AKAP12: variants seen among roughly 807,000 people sequenced by gnomAD.
AKAP12 encodes the protein A-kinase anchor protein 12.
AKAP12 carries 32 observed loss-of-function variants against 79.9 expected under a neutral mutation model. That is an observed-to-expected ratio of 0.40 (90% CI 0.30 to 0.54). AKAP12 has a LOEUF of 0.54. Ranked by LOEUF, AKAP12 falls within the 20% of genes least tolerant of loss-of-function variation. AKAP12 has a pLI of 0.48. For missense variants in AKAP12, 2,074 were observed against 2,177.0 expected (o/e 0.95, Z 0.94); for synonymous variants, 808 against 857.0 (o/e 0.94, Z 1.00).
intron 2 of AKAP12, among the ~76,000 whole-genome samples, chr6:151,246,968 T>C (rs1011226654): frequency 6.6e-6 from 1 of 152,110 alleles, no homozygotes; most frequent in African/African-American, 2.4e-5. Flanking sequence ...ATTTTGTTTA[T>C]TTTTGGTAGA....
rs370506210 is a variant in AKAP12, at chr6:151,240,595, C to G, written c.33C>G (p.Ser11Arg). ...CCGGGAGCTCCACCGAGCAGCGCAG[C>G]CCGGAGCAGCCGCCCGAGGGGAGCT... MGAGSSTEQR[S>R]PEQPPEGSST... Residue 11 changes from serine to arginine, a missense_variant, in exon 2 of 5, where the codon AGC becomes AGG. Ser to Arg is a moderately radical substitution (Grantham distance 110). Around this residue, in one of 3 missense-constraint regions of AKAP12, gnomAD observed 1,428 missense variants for 1,451.0 expected, o/e 0.98. Coordinates refer to ENST00000402676, the MANE Select transcript of AKAP12 (RefSeq NM_005100.4). The G allele has an allele frequency of 6.7e-5, 96 of 1,427,938 alleles. No individual in the cohort carries two copies. The East Asian group carries it at 1.3e-3, about 19-fold the overall frequency. 88.5% of individuals were successfully genotyped at this position (1,427,938 alleles called of 1,614,324 possible). A position where few individuals can be genotyped will look rare whatever the true frequency, so the allele number is the denominator to read the frequency against.
At chr6:151,346,599 G>A (rs1295454676) in intron 3 of AKAP12, among the ~76,000 whole-genome samples, 5 of 152,192 alleles carry the variant, frequency 3.3e-5, no homozygotes, top group Admixed American at 1.3e-4. Flanking sequence ...ACCAGGAAGC[G>A]CGATGGCATC....
intron 3 of AKAP12, chr6:151,324,123 C>T (rs890227590): frequency 3.0e-6 from 3 of 985,236 alleles, no homozygotes; most frequent in Non-Finnish European, 3.6e-6. Context: ...ACACACCAGC[C>T]TCATTATTAA....
At chr6:151,285,412 G>A (rs1374661389) in intron 2 of AKAP12, among the ~76,000 whole-genome samples, 1 of 150,836 alleles carries the variant, frequency 6.6e-6, no homozygotes, top group Non-Finnish European at 1.5e-5. Flanking sequence ...GTGTGTGTGT[G>A]TGTGTGTATC....
intron 3 of AKAP12, among the ~76,000 whole-genome samples, chr6:151,308,908 T>C (rs1562731806): frequency 6.6e-6 from 1 of 152,204 alleles, no homozygotes; most frequent in Non-Finnish European, 1.5e-5. Flanking sequence ...GGAGTCTTGC[T>C]CTGTCACCCA....
chr6:151,242,248 T>C (rs1202324681), intron 2 of AKAP12, among the ~76,000 whole-genome samples: 3 of 152,200 alleles, frequency 2.0e-5, no homozygotes, highest in African/African-American at 7.2e-5. Flanking sequence ...TTTATACTCC[T>C]TCAGATCTTA....
In AKAP12 at chr6:151,352,390, G is replaced by A. The variant is rs1460012409; in HGVS notation, c.3999G>A (p.Val1333=). Residue 1333 remains valine (V), a synonymous_variant, in exon 4 of 5, where the codon GTG becomes GTA. Coordinates refer to ENST00000402676, the MANE Select transcript of AKAP12 (RefSeq NM_005100.4). ...QSHAKSPPSP[V]EREMVVQVER... ...ACGCTAAGTCTCCTCCATCCCCCGTGGAGAGAGAGATGGTAGTTCAAGTCG... is the reference window on the plus strand; with the variant it reads ...ACGCTAAGTCTCCTCCATCCCCCGTAGAGAGAGAGATGGTAGTTCAAGTCG... 25 of 1,614,112 alleles carry A rather than the reference G, an allele frequency of 1.5e-5. No homozygotes were observed. The highest frequency in any genetic ancestry group is 2.1e-5 in the Non-Finnish European group (25 of 1,180,006).
intron 3 of AKAP12, chr6:151,341,644 C>A: frequency 2.8e-6 from 3 of 1,064,362 alleles, no homozygotes; most frequent in Non-Finnish European, 3.5e-6. Flanking sequence ...CTGCCCCTGC[C>A]GGCGGGCTGC....
At position 151,322,198 on chromosome 6, in the gene AKAP12, G is replaced by A. The variant is rs202106070; in HGVS notation, c.319+16295G>A. ...GCTGGGATCACAGGTGTGAGCCACC[G>A]CGCCCAACCTGTTGTCTTTTTTCTT... is the stretch of plus-strand genomic sequence containing the variant. On this transcript the variant is annotated intron_variant, in intron 3 of 4. Transcript: ENST00000402676. 7.2e-5 allele frequency among the ~76,000 whole-genome samples: 11 copies of A among 152,162 alleles called. No individual in the cohort carries two copies. The East Asian group carries it at 7.7e-4, about 11-fold the overall frequency.
intron 3 of AKAP12, among the ~76,000 whole-genome samples, chr6:151,339,485 G>C (rs562476981): frequency 2.4e-4 from 37 of 152,298 alleles, no homozygotes; most frequent in African/African-American, 8.4e-4. Context: ...GAATTCCCAT[G>C]TGTCCCTTGC....
intron 4 of AKAP12, among the ~76,000 whole-genome samples, chr6:151,355,192 T>A (rs1357653449): frequency 6.6e-6 from 1 of 151,290 alleles, no homozygotes; most frequent in Non-Finnish European, 1.5e-5. Context: ...AGACGGAGTT[T>A]CCCCCAGGAT....
At chr6:151,325,964 T>G (rs1187752426) in intron 3 of AKAP12, 9 of 1,606,642 alleles carry the variant, frequency 5.6e-6, no homozygotes, top group Non-Finnish European at 7.7e-6. Flanking sequence ...TTCCGTTGAA[T>G]GAGCGTTTGG....
chr6:151,274,385 C>T (rs992824253), intron 2 of AKAP12, among the ~76,000 whole-genome samples: 3 of 151,928 alleles, frequency 2.0e-5, no homozygotes, highest in African/African-American at 7.3e-5. Flanking sequence ...GGCCTACCTT[C>T]AGTTCTTGAA....
chr6:151,286,814 C>T lies in AKAP12; in HGVS notation c.163-18933C>T, dbSNP rs79144641. On this transcript the variant is annotated intron_variant, in intron 2 of 4. Transcript: ENST00000402676. ...TCAGAGAAGGTTAGAGCTCAGAGCT[C>T]GAGAGAGTTCAGGTCTTTTACAAAA... 2.5e-3 allele frequency among the ~76,000 whole-genome samples: 377 copies of T among 152,272 alleles called. 1 individual carries two copies. The highest frequency in any genetic ancestry group is 8.8e-3 in the African/African-American group (365 of 41,552).
intron 2 of AKAP12, among the ~76,000 whole-genome samples, chr6:151,282,144 T>C (rs1005108532): frequency 6.6e-6 from 1 of 151,946 alleles, no homozygotes; most frequent in African/African-American, 2.4e-5. Flanking sequence ...AATGCAGTGG[T>C]GCTATCTCGG....
chr6:151,305,851 C>T lies in AKAP12; in HGVS notation c.267C>T (p.Asn89=), dbSNP rs753998304. The change falls in exon 3 of 5, where the codon AAC becomes AAT. Residue 89 remains asparagine (N), a synonymous_variant. Coordinates refer to ENST00000402676, the MANE Select transcript of AKAP12 (RefSeq NM_005100.4). ...GDLNGQKGAL[N]GQGALNSQEE... ...TAAATGGCCAGAAAGGAGCCCTGAA[C>T]GGTCAAGGAGCCCTAAACAGCCAGG... is the stretch of plus-strand genomic sequence containing the variant. 4.2e-5 allele frequency: 67 copies of T among 1,613,674 alleles called. No individual in the cohort carries two copies. The highest frequency in any genetic ancestry group is 3.3e-4 in the Middle Eastern group (2 of 6,082).
chr6:151,253,820 C>A (rs1456214410), intron 2 of AKAP12, among the ~76,000 whole-genome samples: 1 of 152,002 alleles, frequency 6.6e-6, no homozygotes, highest in Non-Finnish European at 1.5e-5. Context: ...AATTCTCTTG[C>A]CTCAGCCTCT....
chr6:151,253,398 C>A (rs1277461025), intron 2 of AKAP12, among the ~76,000 whole-genome samples: 2 of 151,274 alleles, frequency 1.3e-5, no homozygotes, highest in East Asian at 3.9e-4. Context: ...ATTTTTTTTT[C>A]TTTTAAAATA....
chr6:151,265,689 A>AT (rs1797538913), intron 2 of AKAP12, among the ~76,000 whole-genome samples: 1 of 152,252 alleles, frequency 6.6e-6, no homozygotes, highest in African/African-American at 2.4e-5. Flanking sequence ...TGCTTGTTAA[A>AT]AATCTAACAG....
Sources: allele counts gnomAD v4.1 joint callset (sites outside exome capture counted in the v4.1 genomes callset), GRCh38; gene constraint gnomAD v4.1.1; regional missense constraint gnomAD v4.1.1; transcripts MANE v1.5; gene names NCBI Gene and HGNC (gene_info 2026-07-23, HGNC 2026-07-21).